DGKH: variants seen among roughly 807,000 people sequenced by gnomAD.
DGKH encodes the protein DAG kinase eta.
Under a neutral mutation model 159.3 loss-of-function variants are expected in DGKH, and 90 were observed. The observed-to-expected ratio is 0.57, with a 90% CI of 0.48 to 0.67. The LOEUF (loss-of-function observed/expected upper bound fraction) is 0.67, where lower values mean the gene tolerates loss of function less well. Among genes scored for constraint, DGKH ranks in the 30% least tolerant of loss-of-function variants. The pLI is 0.00. For missense variants in DGKH, 1,181 were observed against 1,506.1 expected (o/e 0.78, Z 3.57); for synonymous variants, 536 against 553.8 (o/e 0.97, Z 0.45).
At chr13:42,088,696 A>C (rs1281274227) in intron 1 of DGKH, among the ~76,000 whole-genome samples, 1 of 152,182 alleles carries the variant, frequency 6.6e-6, no homozygotes, top group African/African-American at 2.4e-5. Flanking sequence ...GTTAATCCAA[A>C]AGAAGGCAAG....
At chr13:42,244,769 T>G (rs1427429477), downstream of DGKH, among the ~76,000 whole-genome samples, 1 of 149,652 alleles carries the variant, frequency 6.7e-6, no homozygotes, top group Non-Finnish European at 1.5e-5. Flanking sequence ...CCGGGCGTAG[T>G]GGCGGGCGCC....
chr13:42,182,967 C>G (rs1168089362), intron 13 of DGKH, among the ~76,000 whole-genome samples: 4 of 151,380 alleles, frequency 2.6e-5, no homozygotes, highest in Non-Finnish European at 5.9e-5. Flanking sequence ...TGCTCACACA[C>G]TACATTTGAG....
intron 1 of DGKH, among the ~76,000 whole-genome samples, chr13:42,093,353 A>T (rs1239449992): frequency 6.6e-6 from 1 of 152,154 alleles, no homozygotes; most frequent in Non-Finnish European, 1.5e-5. Flanking sequence ...TTAAAAAAAA[A>T]GATAAAGAAA....
At chr13:42,058,122 A>G (rs1881890615) in intron 1 of DGKH, among the ~76,000 whole-genome samples, 1 of 152,184 alleles carries the variant, frequency 6.6e-6, no homozygotes, top group South Asian at 2.1e-4. Flanking sequence ...GGTTAAAACC[A>G]CTGATTTGTG....
At chr13:42,068,635 C>T (rs970443002) in intron 1 of DGKH, among the ~76,000 whole-genome samples, 1 of 152,140 alleles carries the variant, frequency 6.6e-6, no homozygotes, top group Non-Finnish European at 1.5e-5. Flanking sequence ...AAATTTGTTT[C>T]CTGTAAAACA....
At chr13:42,043,151 T>C (rs908457373) in intron 1 of DGKH, among the ~76,000 whole-genome samples, 1 of 152,166 alleles carries the variant, frequency 6.6e-6, no homozygotes, top group African/African-American at 2.4e-5. Flanking sequence ...AACATGCACT[T>C]ATGTGACATA....
At chr13:42,080,398 C>T (rs1317316471) in intron 1 of DGKH, among the ~76,000 whole-genome samples, 1 of 152,140 alleles carries the variant, frequency 6.6e-6, no homozygotes, top group African/African-American at 2.4e-5. Context: ...GAAGTTCCTT[C>T]CCAGCTTTGT....
intron 1 of DGKH, chr13:42,068,794 G>A (rs925906570): frequency 7.3e-6 from 3 of 409,290 alleles, no homozygotes; most frequent in African/African-American, 6.2e-5. Flanking sequence ...AGAAAGTCTG[G>A]ATTTTAAAAA....
At chr13:42,124,292 A>G (rs185962842) in intron 1 of DGKH, among the ~76,000 whole-genome samples, 18 of 117,526 alleles carry the variant, frequency 1.5e-4, no homozygotes, top group Non-Finnish European at 3.0e-4. Flanking sequence ...TAACACTCTC[A>G]GCCTCAATAG....
chr13:42,148,336 A>G (rs1257692673), intron 3 of DGKH, among the ~76,000 whole-genome samples: 2 of 152,222 alleles, frequency 1.3e-5, no homozygotes, highest in Non-Finnish European at 2.9e-5. Flanking sequence ...AACTCCAAAC[A>G]TGAATAATGG....
chr13:42,114,416 G>A (rs889534788), intron 1 of DGKH, among the ~76,000 whole-genome samples: 12 of 151,356 alleles, frequency 7.9e-5, no homozygotes, highest in Non-Finnish European at 1.8e-4. Context: ...CATTTGTTCA[G>A]TATATCATTA....
chr13:42,056,982 A>T (rs1006777924), intron 1 of DGKH, among the ~76,000 whole-genome samples: 2 of 152,222 alleles, frequency 1.3e-5, no homozygotes, highest in African/African-American at 4.8e-5. Flanking sequence ...TTTTAGGGAC[A>T]GATATATGAC....
Position 42,238,883 on chromosome 13 carries a change from G to C in DGKH, c.*9695G>C, listed in dbSNP as rs930342477. On this transcript the variant is annotated 3_prime_UTR_variant, in exon 30 of 30. Transcript: ENST00000337343. ...TCACTATCTGATTCTTGACCTAAAGGTTTCTTTGCTAAATCTGATATTTAT... is the reference window on the plus strand; with the variant it reads ...TCACTATCTGATTCTTGACCTAAAGCTTTCTTTGCTAAATCTGATATTTAT... The C allele has an allele frequency of 3.9e-5, 6 of 152,018 alleles. No individual in the cohort carries two copies. The highest frequency in any genetic ancestry group is 7.4e-5 in the Non-Finnish European group (5 of 67,990). 9.4% of individuals were successfully genotyped at this position (152,018 alleles called of 1,614,324 possible). A position where few individuals can be genotyped will look rare whatever the true frequency, so the allele number is the denominator to read the frequency against.
chr13:42,231,944 G>A lies in DGKH; in HGVS notation c.*2756G>A, dbSNP rs1958306509. The A allele has an allele frequency of 6.6e-6, 1 of 152,198 alleles. No individual in the cohort carries two copies. Among genetic ancestry groups the A allele is most frequent in the African/African-American group, 2.4e-5 (1 of 41,446 alleles). 9.4% of individuals were successfully genotyped at this position (152,198 alleles called of 1,614,324 possible). ...AATTTGGATATACTTTTTGTTAAAT[G>A]AGAGCAATTTTCTCTGTATGCTTTG... is the stretch of plus-strand genomic sequence containing the variant. On this transcript the variant is annotated 3_prime_UTR_variant, in exon 30 of 30. Coordinates refer to ENST00000337343, the MANE Select transcript of DGKH (RefSeq NM_178009.5).
Position 42,199,810 on chromosome 13 carries a change from C to T in DGKH, c.2397-3C>T. The T allele has an allele frequency of 6.3e-7, 1 of 1,597,146 alleles. No individual in the cohort carries two copies. The highest frequency in any genetic ancestry group is 8.5e-7 in the Non-Finnish European group (1 of 1,175,634). On this transcript the variant is annotated splice_region_variant and splice_polypyrimidine_tract_variant and intron_variant, in intron 19 of 29. Coordinates refer to ENST00000337343, the MANE Select transcript of DGKH (RefSeq NM_178009.5). The stretch of plus-strand genomic sequence containing the variant: ...GAAATTGCCTGCCAATATTTATTTT[C>T]AGGAGCCGAACTAAAAACTTGATGT...
At chr13:42,101,149 T>C (rs1238233499) in intron 1 of DGKH, among the ~76,000 whole-genome samples, 1 of 152,252 alleles carries the variant, frequency 6.6e-6, no homozygotes, top group Admixed American at 6.5e-5. Flanking sequence ...CCTTCTGCAA[T>C]GCACACACCA....
At chr13:42,101,819 T>TAAAGGC (rs1954657942) in intron 1 of DGKH, among the ~76,000 whole-genome samples, 1 of 151,958 alleles carries the variant, frequency 6.6e-6, no homozygotes, top group South Asian at 2.1e-4. Context: ...AGAACATTTT[T>TAAAGGC]AAAGGCAAAG....
downstream of DGKH, among the ~76,000 whole-genome samples, chr13:42,247,325 G>T (rs1475832511): frequency 6.6e-6 from 1 of 151,282 alleles, no homozygotes. Flanking sequence ...GTGCCTCCTG[G>T]GTTCAAGCAA....
intron 3 of DGKH, among the ~76,000 whole-genome samples, chr13:42,148,913 G>GCC (rs1955805862): frequency 6.7e-6 from 1 of 148,944 alleles, no homozygotes. Context: ...ACCTTACTTG[G>GCC]CCTTCCCACC....
Sources: allele counts gnomAD v4.1 joint callset (sites outside exome capture counted in the v4.1 genomes callset), GRCh38; gene constraint gnomAD v4.1.1; transcripts MANE v1.5; gene names NCBI Gene and HGNC (gene_info 2026-07-23, HGNC 2026-07-21).